Variants in TSHR observed in about 807,000 individuals in gnomAD.
TSHR encodes the protein thyroid stimulating hormone receptor, also known as thyrotropin receptor.
Under a neutral mutation model 64.1 loss-of-function variants are expected in TSHR, and 51 were observed. The ratio of observed to expected loss-of-function variants is 0.80; its 90% CI spans 0.64 to 1.01. The LOEUF (loss-of-function observed/expected upper bound fraction) is 1.01, where lower values mean the gene tolerates loss of function less well. Ranked by LOEUF, TSHR falls within the 50% of genes least tolerant of loss-of-function variation. The pLI is 0.00. For synonymous variants in TSHR, 361 were observed against 361.9 expected (o/e 1.00, Z 0.03); for missense variants, 877 against 942.8 (o/e 0.93, Z 0.91).
chr14:81,054,437 A>G (rs1304293448), intron 1 of TSHR, among the ~76,000 whole-genome samples: 1 of 152,216 alleles, frequency 6.6e-6, no homozygotes, highest in African/African-American at 2.4e-5. Context: ...TGTGGAAGCG[A>G]CTTTGGAACT....
intron 1 of TSHR, among the ~76,000 whole-genome samples, chr14:80,980,394 A>G (rs761417152): frequency 6.6e-6 from 1 of 152,236 alleles, no homozygotes; most frequent in Non-Finnish European, 1.5e-5. Flanking sequence ...ATAAAATGTT[A>G]CAGCAACAAC....
chr14:81,091,467 A>G (rs997440408), intron 5 of TSHR, among the ~76,000 whole-genome samples: 2 of 152,240 alleles, frequency 1.3e-5, no homozygotes, highest in Non-Finnish European at 2.9e-5. Flanking sequence ...TAAAAGGAGC[A>G]GAAAATAGCT....
rs534158615 is a variant in TSHR at position 80,979,924 on chromosome 14, G to A, written c.170+24074G>A. On this transcript the variant is annotated intron_variant, in intron 1 of 9. Transcript: ENST00000298171. The stretch of plus-strand genomic sequence containing the variant: ...AGGGTGATCAGCCTGTACTGCGGAT[G>A]GGGTCTCGGTCTCTTGAGTAAAATA... 5.1e-4 allele frequency among the ~76,000 whole-genome samples: 78 copies of A among 152,224 alleles called. 1 individual carries two copies. In the South Asian group the frequency reaches 8.5e-3, roughly 17 times the overall value.
intron 2 of TSHR, among the ~76,000 whole-genome samples, chr14:81,067,444 A>C (rs2139906214): frequency 6.7e-6 from 1 of 148,398 alleles, no homozygotes; most frequent in African/African-American, 2.5e-5. Context: ...AAGAACTGGA[A>C]ATTTGCACTC....
At chr14:81,023,320 C>T (rs935212938) in intron 1 of TSHR, among the ~76,000 whole-genome samples, 49 of 152,094 alleles carry the variant, frequency 3.2e-4, no homozygotes, top group African/African-American at 1.2e-3. Flanking sequence ...GACCCACCCC[C>T]ATGATTCAAT....
intron 3 of TSHR, among the ~76,000 whole-genome samples, chr14:81,068,786 G>A (rs549185479): frequency 8.5e-5 from 13 of 152,102 alleles, no homozygotes; most frequent in Non-Finnish European, 1.3e-4. Context: ...TTTGAACACC[G>A]GCATCTCTGC....
At chr14:81,139,573 A>C (rs1891594559) in intron 8 of TSHR, 106 bp from the exon 9 acceptor site, 1 of 1,132,904 alleles carries the variant, frequency 8.8e-7, no homozygotes, top group Non-Finnish European at 1.3e-6. Flanking sequence ...AGAAAGGAGC[A>C]TATCATCTCC....
intron 1 of TSHR, among the ~76,000 whole-genome samples, chr14:80,972,669 G>A (rs948309005): frequency 6.6e-6 from 1 of 151,970 alleles, no homozygotes; most frequent in African/African-American, 2.4e-5. Context: ...GTGGCATTTA[G>A]TACATTCACA....
intron 9 of TSHR, among the ~76,000 whole-genome samples, chr14:81,140,107 A>C (rs181181829): frequency 2.0e-5 from 3 of 152,244 alleles, no homozygotes; most frequent in African/African-American, 7.2e-5. Flanking sequence ...CAGATGGCAC[A>C]GGAGAGAGAA....
intron 3 of TSHR, among the ~76,000 whole-genome samples, chr14:81,069,787 G>A (rs1259270154): frequency 6.6e-6 from 1 of 152,040 alleles, no homozygotes; most frequent in Non-Finnish European, 1.5e-5. Flanking sequence ...AAAATAACTC[G>A]AGTTTGTGGG....
rs1344443584 is a variant in TSHR at position 81,073,008 on chromosome 14, AAAAT to A, written c.317+4684_317+4687del. ...CGAGACTCCGTCTCAAAAAAAAAAA[AAAAT>A]AAAAAATAAATATATATATATATAT... On this transcript the variant is annotated intron_variant, in intron 3 of 9. Transcript: ENST00000298171. Among the ~76,000 whole-genome samples the A allele has an allele frequency of 5.5e-5, 4 of 72,814 alleles. 1 individual carries two copies. Among genetic ancestry groups the A allele is most frequent in the African/African-American group, 2.3e-4 (4 of 17,764 alleles). The allele number at this position is 72,814 out of a possible 152,430, so 47.8% of individuals were successfully genotyped here.
At chr14:81,031,319 G>A (rs565861957) in intron 1 of TSHR, among the ~76,000 whole-genome samples, 8 of 152,218 alleles carry the variant, frequency 5.3e-5, no homozygotes, top group African/African-American at 7.2e-5. Flanking sequence ...AGGAGACAGC[G>A]TGACCCTAGG....
At chr14:81,059,993 A>G (rs1327713855) in intron 1 of TSHR, among the ~76,000 whole-genome samples, 1 of 152,140 alleles carries the variant, frequency 6.6e-6, no homozygotes, top group Non-Finnish European at 1.5e-5. Context: ...TTTAGCCCAA[A>G]GACTATCCAA....
At chr14:81,113,081 G>A (rs1890299620) in intron 8 of TSHR, among the ~76,000 whole-genome samples, 3 of 152,298 alleles carry the variant, frequency 2.0e-5, no homozygotes, top group South Asian at 4.1e-4. Flanking sequence ...CATGCCGGCT[G>A]TTGTGTTGAA....
At chr14:81,057,578 T>C (rs1344499849) in intron 1 of TSHR, among the ~76,000 whole-genome samples, 1 of 152,368 alleles carries the variant, frequency 6.6e-6, no homozygotes, top group Non-Finnish European at 1.5e-5. Flanking sequence ...TTTTCTACTA[T>C]GAATACTTTC....
chr14:80,963,881 G>A (rs923560503), intron 1 of TSHR, among the ~76,000 whole-genome samples: 1 of 152,198 alleles, frequency 6.6e-6, no homozygotes, highest in Non-Finnish European at 1.5e-5. Context: ...GGGATAGAAT[G>A]TCTTGAACCC....
chr14:81,033,231 G>T (rs1034145097), intron 1 of TSHR: 1 of 468,370 alleles, frequency 2.1e-6, no homozygotes, highest in South Asian at 1.7e-5. Flanking sequence ...CCCTCAGAAG[G>T]GGCCAGAGCA....
chr14:81,113,670 T>A (rs1890333706), intron 8 of TSHR, among the ~76,000 whole-genome samples: 1 of 151,840 alleles, frequency 6.6e-6, no homozygotes, highest in Non-Finnish European at 1.5e-5. Context: ...GGAAAGGTGA[T>A]CATGTGAGTA....
Position 81,143,328 on chromosome 14 carries a change from G to A in TSHR, c.1270G>A (p.Val424Ile), listed in dbSNP as rs587778742. ...GTTCCTGAGAATTGTGGTGTGGTTCGTTAGTCTGCTGGCTCTCCTGGGCAA... is the reference window on the plus strand; with the variant it reads ...GTTCCTGAGAATTGTGGTGTGGTTCATTAGTCTGCTGGCTCTCCTGGGCAA... ...YKFLRIVVWF[V>I]SLLALLGNVF... is the part of the protein sequence containing the mutation. Residue 424 changes from valine to isoleucine, a missense_variant, in exon 10 of 10, where the codon GTT (valine) becomes ATT (isoleucine). Coordinates refer to ENST00000298171, the MANE Select transcript of TSHR (RefSeq NM_000369.5). 1.2e-5 allele frequency: 19 copies of A among 1,614,068 alleles called. No homozygotes were observed. The highest frequency in any genetic ancestry group is 8.8e-5 in the South Asian group (8 of 91,090).
Sources: allele counts gnomAD v4.1 joint callset (sites outside exome capture counted in the v4.1 genomes callset), GRCh38; gene constraint gnomAD v4.1.1; transcripts MANE v1.5; gene names NCBI Gene and HGNC (gene_info 2026-07-23, HGNC 2026-07-21).